PTPRN2: variants seen among roughly 807,000 people sequenced by gnomAD.
PTPRN2 encodes the protein protein tyrosine phosphatase receptor type N2, also known as receptor-type tyrosine-protein phosphatase N2.
In PTPRN2, 74 loss-of-function variants were observed where a neutral mutation model predicts 118.8. The observed-to-expected ratio is 0.62, with a 90% CI of 0.52 to 0.76. PTPRN2 has a LOEUF of 0.76. PTPRN2 is among the 30% of genes least tolerant of loss of function. The pLI, the probability that PTPRN2 is intolerant of heterozygous loss-of-function variation, is 0.00. For missense variants in PTPRN2, 1,481 were observed against 1,394.4 expected, an observed-to-expected ratio of 1.06 and a Z score of -0.99; for synonymous variants, 641 against 608.0, an observed-to-expected ratio of 1.05 and a Z score of -0.80.
chr7:157,602,368 G>A (rs1801721106), intron 16 of PTPRN2, among the ~76,000 whole-genome samples: 2 of 152,238 alleles, frequency 1.3e-5, no homozygotes, highest in South Asian at 4.1e-4. Context: ...GCAGAGCCGA[G>A]AGCTGAGCAC....
intron 9 of PTPRN2, among the ~76,000 whole-genome samples, chr7:158,130,539 T>C (rs1818107181): frequency 1.4e-5 from 2 of 142,106 alleles, no homozygotes; most frequent in East Asian, 2.2e-4. Context: ...TACATACAGA[T>C]ACACACATCT....
At chr7:158,117,232 T>A (rs955267478) in intron 9 of PTPRN2, among the ~76,000 whole-genome samples, 4 of 151,918 alleles carry the variant, frequency 2.6e-5, no homozygotes, top group Non-Finnish European at 5.9e-5. Flanking sequence ...AAACCTAAAA[T>A]ATAAAAGAAA....
chr7:157,748,543 G>C (rs1441549336), intron 12 of PTPRN2, among the ~76,000 whole-genome samples: 3 of 149,156 alleles, frequency 2.0e-5, no homozygotes, highest in Non-Finnish European at 1.5e-5. Context: ...GGGGTGTCCG[G>C]GTGATTCTGA....
intron 6 of PTPRN2, among the ~76,000 whole-genome samples, chr7:158,164,397 A>G (rs372091454): frequency 5.7e-4 from 20 of 35,284 alleles, no homozygotes; most frequent in East Asian, 1.7e-3. Context: ...GGACACGCAG[A>G]GCAGGAGCGC....
chr7:158,239,180 C>T (rs894887851), intron 3 of PTPRN2, among the ~76,000 whole-genome samples: 4 of 152,216 alleles, frequency 2.6e-5, no homozygotes, highest in Non-Finnish European at 4.4e-5. Flanking sequence ...TTCCTCTGCG[C>T]CTTTTCCAAA....
rs1393279268 is a variant in PTPRN2, at chr7:158,406,641, C to A, written c.163+83094G>T. Reference sequence around the variant, plus strand: ...GGACCTGAGTCCTGCTGCAGCCACTCGCTGGCATGTGACACTGACCATGCC... The same window carrying A: ...GGACCTGAGTCCTGCTGCAGCCACTAGCTGGCATGTGACACTGACCATGCC... On this transcript the variant is annotated intron_variant, in intron 2 of 22. Transcript: ENST00000389418. Among the ~76,000 whole-genome samples, 6 of 152,352 alleles carry A rather than the reference C, an allele frequency of 3.9e-5. No individual in the cohort carries two copies. In the East Asian group the frequency reaches 9.7e-4, roughly 25 times the overall value.
intron 12 of PTPRN2, among the ~76,000 whole-genome samples, chr7:157,821,413 G>A (rs1225823734): frequency 2.0e-5 from 3 of 152,224 alleles, no homozygotes. Context: ...TGTCTGGAGA[G>A]AAGTGTCCTG....
Position 158,546,024 on chromosome 7 carries a change from C to T in PTPRN2, c.112+41534G>A, listed in dbSNP as rs554007233. 1.3e-5 allele frequency among the ~76,000 whole-genome samples: 2 copies of T among 152,258 alleles called. No homozygotes were observed. The highest frequency in any genetic ancestry group is 6.5e-5 in the Admixed American group (1 of 15,302). ...GAAAGAAAAATTCAAATCTTAATTA[C>T]AGGACTTTCAAAATTCCAGGAGGTA... On this transcript the variant is annotated intron_variant, in intron 1 of 22. Coordinates refer to ENST00000389418, the MANE Select transcript of PTPRN2 (RefSeq NM_002847.5). The surrounding 1 kb of genome is among the most constrained non-coding windows in gnomAD (Gnocchi z 5.0).
chr7:157,579,599 C>A lies in PTPRN2; in HGVS notation c.2497-1459G>T, dbSNP rs1469765465. Among the ~76,000 whole-genome samples the A allele has an allele frequency of 4.6e-5, 7 of 152,372 alleles. No individual in the cohort carries two copies. In the East Asian group the frequency reaches 1.3e-3, roughly 29 times the overall value. ...TCCGTGCCACCCAAGTGTGACATTA[C>A]AGAGCCCCGTCGACTGGGGGGACCC... On this transcript the variant is annotated intron_variant, in intron 17 of 22. Coordinates refer to ENST00000389418, the MANE Select transcript of PTPRN2 (RefSeq NM_002847.5).
chr7:158,273,400 G>GGGAGGAGCCGCAGACAGACGCA lies in PTPRN2; in HGVS notation c.277+43418_277+43419insTGCGTCTGTCTGCGGCTCCTCC, dbSNP rs1563072475. On this transcript the variant is annotated intron_variant, in intron 3 of 22. Transcript: ENST00000389418. ...GTCCCAGCGTCGTGGATGCAGACAC[G>GGGAGGAGCCGCAGACAGACGCA]GGAGGAGCCGCAGACAGACGCGGGA... Among the ~76,000 whole-genome samples, 11 of 143,976 alleles carry GGGAGGAGCCGCAGACAGACGCA rather than the reference G, an allele frequency of 7.6e-5. 1 individual carries two copies. The highest frequency in any genetic ancestry group is 2.9e-4 in the African/African-American group (11 of 37,606). The allele number at this position is 143,976 out of a possible 152,430, so 94.5% of individuals were successfully genotyped here.
intron 12 of PTPRN2, among the ~76,000 whole-genome samples, chr7:157,765,829 TCCTC>T (rs1327090369): frequency 7.3e-6 from 1 of 137,446 alleles, no homozygotes; most frequent in Non-Finnish European, 1.5e-5. Flanking sequence ...CATCCATTCT[TCCTC>T]CATCCATCCA....
In PTPRN2 at chr7:157,736,389, A is replaced by G. The variant is rs542650290; in HGVS notation, c.1789-53452T>C. Among the ~76,000 whole-genome samples the G allele has an allele frequency of 4.1e-4, 63 of 152,302 alleles. No homozygotes were observed. The South Asian group carries it at 0.01, about 25-fold the overall frequency. On this transcript the variant is annotated intron_variant, in intron 12 of 22. Transcript: ENST00000389418. ...CCTCCAAGGAGCTAATTAAGGTTCA[A>G]TGAGGCCAAAAGGGCGGCCCCGATC...
rs552342044 is a variant in PTPRN2 at position 158,086,396 on chromosome 7, G to T, written c.1644-5019C>A. Among the ~76,000 whole-genome samples, 3 of 152,294 alleles carry T rather than the reference G, an allele frequency of 2.0e-5. No individual in the cohort carries two copies. The East Asian group carries it at 5.8e-4, about 29-fold the overall frequency. On this transcript the variant is annotated intron_variant, in intron 10 of 22. Transcript: ENST00000389418. ...TTAAACCCCTCACTCAGCCACAAAG[G>T]GGGAATGGTCTGTTAAAGGCATGAG...
intron 12 of PTPRN2, among the ~76,000 whole-genome samples, chr7:157,827,362 C>CCACAACACAA (rs57453915): frequency 0.3 from 43,954 of 146,468 alleles, 7,227 homozygotes; most frequent in Middle Eastern, 0.37. Context: ...AAGCCAGAGA[C>CCACAACACAA]CACAACACAA....
chr7:157,810,816 A>G (rs1007458724), intron 12 of PTPRN2, among the ~76,000 whole-genome samples: 1 of 151,650 alleles, frequency 6.6e-6, no homozygotes, highest in African/African-American at 2.4e-5. Context: ...CAGGCTTTCC[A>G]CGGGGACGGC....
intron 3 of PTPRN2, among the ~76,000 whole-genome samples, chr7:158,227,909 C>G (rs1828913488): frequency 6.6e-6 from 1 of 151,202 alleles, no homozygotes; most frequent in Non-Finnish European, 1.5e-5. Context: ...CAGGCCTGGT[C>G]AGGGCCAGCA....
At chr7:158,549,519 T>C (rs1826508347) in intron 1 of PTPRN2, among the ~76,000 whole-genome samples, 1 of 152,252 alleles carries the variant, frequency 6.6e-6, no homozygotes, top group African/African-American at 2.4e-5. Context: ...TCCCGTAAGC[T>C]ACGGAGGTTC....
chr7:158,388,792 C>T (rs539485132), intron 2 of PTPRN2, among the ~76,000 whole-genome samples: 4 of 152,314 alleles, frequency 2.6e-5, no homozygotes, highest in Admixed American at 6.5e-5. Context: ...AGCCACCTCT[C>T]AGCACACAAA....
chr7:158,125,872 C>T (rs185379111), intron 9 of PTPRN2, among the ~76,000 whole-genome samples: 22 of 152,260 alleles, frequency 1.4e-4, no homozygotes, highest in African/African-American at 3.1e-4. Context: ...AGCATCAGTC[C>T]GGACCTCGGC....
Sources: allele counts gnomAD v4.1 joint callset (sites outside exome capture counted in the v4.1 genomes callset), GRCh38; gene constraint gnomAD v4.1.1; non-coding constraint Gnocchi (gnomAD v3.1); transcripts MANE v1.5; gene names NCBI Gene and HGNC (gene_info 2026-07-23, HGNC 2026-07-21).